SLTM: variants seen among roughly 807,000 people sequenced by gnomAD.
SLTM encodes the protein SAFB-like transcription modulator.
In SLTM, 43 loss-of-function variants were observed where a neutral mutation model predicts 134.6. The ratio of observed to expected loss-of-function variants is 0.32; its 90% CI spans 0.25 to 0.41. The LOEUF (loss-of-function observed/expected upper bound fraction) is 0.41. Among genes scored for constraint, SLTM ranks in the 10% least tolerant of loss-of-function variants. The pLI is 1.00. For missense variants in SLTM, 1,055 were observed against 1,288.8 expected (o/e 0.82, Z 2.78); for synonymous variants, 424 against 432.3 (o/e 0.98, Z 0.24).
intron 15 of SLTM, 168 bp downstream of exon 15, chr15:58,890,113 A>G (rs2034539927): frequency 1.4e-6 from 1 of 702,690 alleles, no homozygotes; most frequent in South Asian, 2.0e-5. Context: ...TACTAATTCT[A>G]TTTTTAACTA....
intron 8 of SLTM, chr15:58,897,865 T>G (rs2035206568): frequency 6.6e-6 from 1 of 152,164 alleles, no homozygotes; most frequent in Non-Finnish European, 1.5e-5. Context: ...ATATGAATCA[T>G]TTCTGTACTA....
In SLTM at chr15:58,927,959, T is replaced by G. The variant is rs796386429; in HGVS notation, c.250+4397A>C. 4.2e-4 allele frequency among the ~76,000 whole-genome samples: 64 copies of G among 152,336 alleles called. 1 individual carries two copies. The highest frequency in any genetic ancestry group is 1.3e-3 in the African/African-American group (56 of 41,578). Reference sequence around the variant, plus strand: ...AAAGCTTTACAGAGTAAACATGTACTTAATTATAAATATGTAGTCTGTGGT... The same window carrying G: ...AAAGCTTTACAGAGTAAACATGTACGTAATTATAAATATGTAGTCTGTGGT... On this transcript the variant is annotated intron_variant, in intron 2 of 20. Transcript: ENST00000380516.
intron 2 of SLTM, among the ~76,000 whole-genome samples, chr15:58,930,280 T>C (rs1173747793): frequency 2.4e-5 from 1 of 41,376 alleles, no homozygotes; most frequent in Non-Finnish European, 5.0e-5. Context: ...CATGCCCAGC[T>C]ATTTTTTTTT....
At position 58,901,085 on chromosome 15, in the gene SLTM, A is replaced by G; in HGVS notation, c.589+175T>C. On this transcript the variant is annotated intron_variant, in intron 6 of 20. Transcript: ENST00000380516. ...AGTTGCAATATATCTTTAGTGTTCAAAAGAAAATTAAAACCAATTGGAAAA... is the reference window on the plus strand; with the variant it reads ...AGTTGCAATATATCTTTAGTGTTCAGAAGAAAATTAAAACCAATTGGAAAA... 8.2e-6 allele frequency: 5 copies of G among 606,504 alleles called. No individual in the cohort carries two copies. The South Asian group carries it at 1.0e-4, about 12-fold the overall frequency. 37.6% of individuals were successfully genotyped at this position (606,504 alleles called of 1,614,324 possible). A position where few individuals can be genotyped will look rare whatever the true frequency, so the allele number is the denominator to read the frequency against.
At chr15:58,918,617 G>C (rs571328355) in intron 2 of SLTM, among the ~76,000 whole-genome samples, 1 of 152,190 alleles carries the variant, frequency 6.6e-6, no homozygotes, top group Non-Finnish European at 1.5e-5. Context: ...GCTTGGTGTT[G>C]TGTTAACTTT....
chr15:58,909,155 C>T (rs2036081998), intron 5 of SLTM, among the ~76,000 whole-genome samples: 1 of 152,168 alleles, frequency 6.6e-6, no homozygotes, highest in Non-Finnish European at 1.5e-5. Context: ...GGAAATGGCA[C>T]ATCTTTACAT....
At position 58,886,974 on chromosome 15, in the gene SLTM, C is replaced by A; in HGVS notation, c.2835+1G>T. 6.2e-7 allele frequency: 1 copy of A among 1,612,250 alleles called. No individual in the cohort carries two copies. The highest frequency in any genetic ancestry group is 8.5e-7 in the Non-Finnish European group (1 of 1,179,980). On this transcript the variant is annotated splice_donor_variant, in intron 19 of 20. Transcript: ENST00000380516. LOFTEE classifies it high-confidence loss of function. ...CGCGGCAAGCCTCCCGCAGCACTTA[C>A]CTGTGATCCACCTCCTCGGTCTGTG... is the stretch of plus-strand genomic sequence containing the variant.
At chr15:58,913,939 C>G (rs1181418785) in intron 3 of SLTM, among the ~76,000 whole-genome samples, 2 of 152,158 alleles carry the variant, frequency 1.3e-5, no homozygotes, top group Non-Finnish European at 2.9e-5. Flanking sequence ...AATCAAATTG[C>G]TGCTAGAGAT....
At chr15:58,900,193 G>C (rs2035370306) in intron 6 of SLTM, among the ~76,000 whole-genome samples, 1 of 152,100 alleles carries the variant, frequency 6.6e-6, no homozygotes, top group Non-Finnish European at 1.5e-5. Flanking sequence ...CCATCCTGAA[G>C]ATACCAGCTC....
chr15:58,932,254 T>C (rs2037931264), intron 2 of SLTM, 102 bp downstream of exon 2: 4 of 811,962 alleles, frequency 4.9e-6, no homozygotes, highest in Admixed American at 1.9e-5. Context: ...CAGAGGGAAA[T>C]AGCAAAGAGT....
chr15:58,900,032 A>G, intron 6 of SLTM, 95 bp from the exon 7 acceptor site: 2 of 938,112 alleles, frequency 2.1e-6, no homozygotes, highest in Non-Finnish European at 3.1e-6. Context: ...ATATAAAGCC[A>G]GTTATTAGCA....
At chr15:58,909,282 G>A (rs2036091440) in intron 5 of SLTM, among the ~76,000 whole-genome samples, 1 of 152,066 alleles carries the variant, frequency 6.6e-6, no homozygotes, top group East Asian at 1.9e-4. Flanking sequence ...TAATAACTGC[G>A]ATGGACCAAA....
intron 17 of SLTM, among the ~76,000 whole-genome samples, chr15:58,887,903 C>A (rs1214318852): frequency 6.6e-6 from 1 of 152,124 alleles, no homozygotes; most frequent in African/African-American, 2.4e-5. Context: ...GTAATCTCAG[C>A]ACTTTGGAAG....
At position 58,927,109 on chromosome 15, in the gene SLTM, G is replaced by T. The variant is rs553966319; in HGVS notation, c.250+5247C>A. Among the ~76,000 whole-genome samples, 17 of 152,184 alleles carry T rather than the reference G, an allele frequency of 1.1e-4. 2 individuals carry two copies. In the South Asian group the frequency reaches 3.5e-3, roughly 32 times the overall value. On this transcript the variant is annotated intron_variant, in intron 2 of 20. Coordinates refer to ENST00000380516, the MANE Select transcript of SLTM (RefSeq NM_024755.4). ...GTATATTTTACATATCAATGTGTAA[G>T]GAGAAGCCATTATGCTCTTGAGAGA...
intron 5 of SLTM, among the ~76,000 whole-genome samples, chr15:58,906,004 G>A (rs992759461): frequency 1.3e-5 from 2 of 152,148 alleles, no homozygotes; most frequent in African/African-American, 2.4e-5. Context: ...AACAACTTGG[G>A]TAAAGTAGAA....
In SLTM at chr15:58,892,909, A is replaced by G; in HGVS notation, c.1886T>C (p.Met629Thr). 3 of 1,613,076 alleles carry G rather than the reference A, an allele frequency of 1.9e-6. No homozygotes were observed. Among genetic ancestry groups the G allele is most frequent in the Non-Finnish European group, 2.5e-6 (3 of 1,179,714 alleles). The change falls in exon 14 of 21, where the codon ATG (methionine) becomes ACG (threonine). Residue 629 changes from methionine (M) to threonine (T), a missense_variant. By Grantham distance (81) the Met-to-Thr change is moderately conservative (BLOSUM62 -1). Around this residue, in one of 3 missense-constraint regions of SLTM, gnomAD observed 776 missense variants for 962.2 expected, o/e 0.81. Transcript: ENST00000380516. ...LVRFERLRRA[M>T]ELRRRREIAE... ...ACTCTCTTCCTACCTTCGAAGTTCC[A>G]TTGCTCGTCGCAGCCTTTCAAAACG...
intron 2 of SLTM, among the ~76,000 whole-genome samples, chr15:58,920,499 T>C (rs1207417250): frequency 1.3e-5 from 2 of 151,486 alleles, no homozygotes; most frequent in African/African-American, 2.4e-5. Flanking sequence ...GGCACATGCC[T>C]GTAATCCCAG....
intron 1 of SLTM, 48 bp downstream of exon 1, chr15:58,933,356 G>C: frequency 6.6e-7 from 1 of 1,521,086 alleles, no homozygotes; most frequent in Non-Finnish European, 8.8e-7. Flanking sequence ...GCCGAGGCGC[G>C]GCCTAAGTTC....
At chr15:58,886,838 T>TA in intron 19 of SLTM, 137 bp downstream of exon 19, 1 of 1,049,664 alleles carries the variant, frequency 9.5e-7, no homozygotes, top group Non-Finnish European at 1.3e-6. Context: ...AAAATTTAAA[T>TA]AAAAAATTAA....
Sources: allele counts gnomAD v4.1 joint callset (sites outside exome capture counted in the v4.1 genomes callset), GRCh38; gene constraint gnomAD v4.1.1; regional missense constraint gnomAD v4.1.1; transcripts MANE v1.5; gene names NCBI Gene and HGNC (gene_info 2026-07-23, HGNC 2026-07-21).